PPP2R2C: variants seen among roughly 807,000 people sequenced by gnomAD.
PPP2R2C encodes protein phosphatase 2, regulatory subunit B, gamma.
A neutral mutation model predicts 45.3 loss-of-function variants in PPP2R2C; 10 were observed. That is an observed-to-expected ratio of 0.22 (90% CI 0.14 to 0.37). PPP2R2C has a LOEUF of 0.37. Ranked by LOEUF, PPP2R2C falls within the 10% of genes least tolerant of loss-of-function variation. PPP2R2C has a pLI of 1.00. For missense variants in PPP2R2C, 308 were observed against 619.7 expected (o/e 0.50, Z 5.34); for synonymous variants, 257 against 245.4 (o/e 1.05, Z -0.44).
chr4:6,490,806 C>T (rs576267669), intron 2 of PPP2R2C, among the ~76,000 whole-genome samples: 53 of 152,304 alleles, frequency 3.5e-4, no homozygotes, highest in African/African-American at 9.6e-4. Flanking sequence ...CCATGCCGCA[C>T]CCTGGGCAAA....
chr4:6,501,607 T>C (rs541823587), intron 2 of PPP2R2C, among the ~76,000 whole-genome samples: 1 of 152,256 alleles, frequency 6.6e-6, no homozygotes, highest in Non-Finnish European at 1.5e-5. Flanking sequence ...ATTCATTCAG[T>C]GGGTTGACAC....
intron 6 of PPP2R2C, among the ~76,000 whole-genome samples, chr4:6,337,520 A>G (rs55708264): frequency 0.59 from 90,021 of 151,760 alleles, 27,075 homozygotes; most frequent in Middle Eastern, 0.68. Flanking sequence ...GCGGCCTCTC[A>G]CAGGCTGACT....
intron 2 of PPP2R2C, among the ~76,000 whole-genome samples, chr4:6,506,715 T>TAGCTG (rs1215619817): frequency 2.0e-5 from 3 of 152,226 alleles, no homozygotes; most frequent in Non-Finnish European, 4.4e-5. Context: ...TGACTGGGCT[T>TAGCTG]AGCTGAGCTG....
chr4:6,513,102 A>T (rs1470836203), intron 2 of PPP2R2C, among the ~76,000 whole-genome samples: 1 of 152,198 alleles, frequency 6.6e-6, no homozygotes, highest in East Asian at 1.9e-4. Flanking sequence ...ATTATATCAT[A>T]AAGCTAGAAA....
chr4:6,348,372 C>T (rs921784221), intron 5 of PPP2R2C, among the ~76,000 whole-genome samples: 4 of 151,610 alleles, frequency 2.6e-5, no homozygotes, highest in African/African-American at 9.7e-5. Context: ...TGTTGGTTGC[C>T]AAGCAGAAGA....
rs562722645 is a variant in PPP2R2C at position 6,364,482 on chromosome 4, GT to G, written c.625+8040del. On this transcript the variant is annotated intron_variant, in intron 5 of 8. Coordinates refer to ENST00000382599, the MANE Select transcript of PPP2R2C (RefSeq NM_020416.4). This position sits in a 1 kb window ranked among gnomAD's most constrained non-coding sequence, Gnocchi z 5.3. ...GAGCAAGGAGTGACATGATCTTGTC[GT>G]TTTTTTTTTTCTCATGTTGTAGGAG... Among the ~76,000 whole-genome samples the G allele has an allele frequency of 1.6e-4, 24 of 149,222 alleles. No homozygotes were observed. The highest frequency in any genetic ancestry group is 4.4e-4 in the African/African-American group (18 of 40,772).
At position 6,334,621 on chromosome 4, in the gene PPP2R2C, G is replaced by T. The variant is rs1278504745; in HGVS notation, c.791-890C>A. Among the ~76,000 whole-genome samples the T allele has an allele frequency of 2.0e-5, 3 of 152,140 alleles. No individual in the cohort carries two copies. The East Asian group carries it at 5.8e-4, about 29-fold the overall frequency. The stretch of plus-strand genomic sequence containing the variant: ...GCGTGGGGACTAGGACCCCTGTTGG[G>T]CCAGGCACTAACTCCCTAGGACCTG... On this transcript the variant is annotated intron_variant, in intron 6 of 8. Coordinates refer to ENST00000382599, the MANE Select transcript of PPP2R2C (RefSeq NM_020416.4).
chr4:6,327,140 G>A (rs957621374), intron 8 of PPP2R2C, among the ~76,000 whole-genome samples: 5 of 152,198 alleles, frequency 3.3e-5, no homozygotes, highest in Non-Finnish European at 7.4e-5. Context: ...CACAGCCACT[G>A]GACACACCTG....
intron 2 of PPP2R2C, among the ~76,000 whole-genome samples, chr4:6,501,859 T>C (rs766195489): frequency 1.2e-4 from 19 of 152,174 alleles, no homozygotes; most frequent in Admixed American, 6.5e-4. Flanking sequence ...ACAGGTCCCA[T>C]AAGGAGAGAG....
At chr4:6,350,756 G>A (rs1577093509) in intron 5 of PPP2R2C, 2 of 985,304 alleles carry the variant, frequency 2.0e-6, no homozygotes, top group East Asian at 2.3e-4. Context: ...AGTGAGGCAT[G>A]TCACCTCCAG....
intron 1 of PPP2R2C, among the ~76,000 whole-genome samples, chr4:6,453,171 C>A (rs561148598): frequency 2.6e-5 from 4 of 152,154 alleles, no homozygotes; most frequent in African/African-American, 7.2e-5. Context: ...GGGACCCCCC[C>A]ACAGAGGATA....
At chr4:6,391,512 C>T (rs138312427) in intron 1 of PPP2R2C, among the ~76,000 whole-genome samples, 9 of 152,200 alleles carry the variant, frequency 5.9e-5, no homozygotes, top group East Asian at 1.9e-4. Context: ...ATAGCAGAGC[C>T]GGCAGATGAT....
rs906096104 is a variant in PPP2R2C, at chr4:6,364,900, G to A, written c.625+7623C>T. ...GGACGATGGGATCACAGGACTCATCGAGGCTTGAGCAAGAAGAAGACTATC... is the reference window on the plus strand; with the variant it reads ...GGACGATGGGATCACAGGACTCATCAAGGCTTGAGCAAGAAGAAGACTATC... On this transcript the variant is annotated intron_variant, in intron 5 of 8. Transcript: ENST00000382599. The surrounding 1 kb of genome is among the most constrained non-coding windows in gnomAD (Gnocchi z 5.3). 3.9e-5 allele frequency among the ~76,000 whole-genome samples: 6 copies of A among 152,168 alleles called. No individual in the cohort carries two copies. Among genetic ancestry groups the A allele is most frequent in the Non-Finnish European group, 8.8e-5 (6 of 68,018 alleles).
At chr4:6,482,833 G>A (rs936021220) in intron 2 of PPP2R2C, among the ~76,000 whole-genome samples, 1 of 152,154 alleles carries the variant, frequency 6.6e-6, no homozygotes, top group African/African-American at 2.4e-5. Context: ...CATGAAAAAT[G>A]ATGTTTGCTA....
chr4:6,472,263 G>A lies in PPP2R2C; in HGVS notation c.-34C>T. On this transcript the variant is annotated 5_prime_UTR_variant, in exon 1 of 9. Coordinates refer to ENST00000382599, the MANE Select transcript of PPP2R2C (RefSeq NM_020416.4). ...GTGCCCGGTGCTCTGGGCATGCCCC[G>A]CCGCCACACACCGATGCAATCCGCA... is the stretch of plus-strand genomic sequence containing the variant. 6.2e-7 allele frequency: 1 copy of A among 1,611,236 alleles called. No individual in the cohort carries two copies.
intron 1 of PPP2R2C, chr4:6,381,641 C>T: frequency 6.7e-7 from 1 of 1,499,274 alleles, no homozygotes; most frequent in Non-Finnish European, 8.9e-7. Context: ...TCCAGGCAGG[C>T]CTCTGGGATC....
intron 2 of PPP2R2C, among the ~76,000 whole-genome samples, chr4:6,527,155 AT>A (rs1251999999): frequency 6.6e-6 from 1 of 152,130 alleles, no homozygotes; most frequent in Non-Finnish European, 1.5e-5. Flanking sequence ...CCATTGAAAT[AT>A]TTCCATTCCT....
At chr4:6,513,803 A>G (rs927622681) in intron 2 of PPP2R2C, among the ~76,000 whole-genome samples, 3 of 152,338 alleles carry the variant, frequency 2.0e-5, no homozygotes, top group Non-Finnish European at 4.4e-5. Context: ...AAGGGCCCCC[A>G]GAGGCCCCCA....
chr4:6,367,452 C>A (rs1347775125), intron 5 of PPP2R2C, among the ~76,000 whole-genome samples: 1 of 152,088 alleles, frequency 6.6e-6, no homozygotes, highest in African/African-American at 2.4e-5. Flanking sequence ...GGACACAGGC[C>A]TCCTGACCCT....
Sources: gnomAD v4.1 joint callset for allele counts (sites outside exome capture counted in the v4.1 genomes callset) on GRCh38, gnomAD v4.1.1 for gene constraint, Gnocchi (gnomAD v3.1) non-coding constraint, MANE v1.5 for transcripts, NCBI Gene and HGNC (gene_info 2026-07-23, HGNC 2026-07-21) for gene names.